ARHGAP42: variants seen among roughly 807,000 people sequenced by gnomAD.
The protein encoded by ARHGAP42 is Rho GTPase activating protein 42.
ARHGAP42 carries 63 observed loss-of-function variants against 125.0 expected under a neutral mutation model. The ratio of observed to expected loss-of-function variants is 0.50; its 90% CI spans 0.41 to 0.62. The LOEUF (loss-of-function observed/expected upper bound fraction) is 0.62. Ranked by LOEUF, ARHGAP42 falls within the 20% of genes least tolerant of loss-of-function variation. The pLI, the probability that ARHGAP42 is intolerant of heterozygous loss-of-function variation, is 0.00. For missense variants in ARHGAP42, 766 were observed against 1,024.2 expected (o/e 0.75, Z 3.44); for synonymous variants, 339 against 351.0 (o/e 0.97, Z 0.38).
At chr11:100,834,730 A>G (rs1326419982) in intron 3 of ARHGAP42, among the ~76,000 whole-genome samples, 1 of 152,076 alleles carries the variant, frequency 6.6e-6, no homozygotes, top group Non-Finnish European at 1.5e-5. Context: ...AATAGAGGCT[A>G]TAAATGCTAT....
At chr11:100,838,044 C>T (rs967753025) in intron 3 of ARHGAP42, among the ~76,000 whole-genome samples, 1 of 151,264 alleles carries the variant, frequency 6.6e-6, no homozygotes, top group Non-Finnish European at 1.5e-5. Flanking sequence ...TCGCTAACTG[C>T]CTGCCTCAGT....
intron 22 of ARHGAP42, among the ~76,000 whole-genome samples, chr11:100,980,550 T>TTTC (rs1218791556): frequency 0.12 from 9,477 of 80,880 alleles, 1,889 homozygotes; most frequent in Middle Eastern, 0.15. Flanking sequence ...CATACTTCTT[T>TTTC]TTCTTCTTCT....
intron 3 of ARHGAP42, among the ~76,000 whole-genome samples, chr11:100,837,693 T>TTTTTTTTTTTTTTTC (rs1864839633): frequency 7.3e-6 from 1 of 137,866 alleles, no homozygotes. Context: ...TTTTTTTTTT[T>TTTTTTTTTTTTTTTC]TTTTAGTAAA....
At chr11:100,816,744 C>T (rs557046587) in intron 3 of ARHGAP42, 3 of 152,078 alleles carry the variant, frequency 2.0e-5, no homozygotes, top group South Asian at 4.2e-4. Flanking sequence ...TGCTGCCAGC[C>T]CCCAAAAAGC....
intron 5 of ARHGAP42, among the ~76,000 whole-genome samples, chr11:100,921,246 T>TATATATATATA (rs1170204867): frequency 1.2e-4 from 4 of 34,602 alleles, no homozygotes; most frequent in Non-Finnish European, 2.0e-4. Context: ...TATATATATA[T>TATATATATATA]TTTTTTTTTT....
At chr11:100,730,383 T>G (rs2120302611) in intron 1 of ARHGAP42, among the ~76,000 whole-genome samples, 1 of 152,328 alleles carries the variant, frequency 6.6e-6, no homozygotes, top group Middle Eastern at 3.4e-3. Context: ...CTATTAAGCC[T>G]TATGTATGAA....
chr11:100,772,640 C>T (rs78890958), intron 2 of ARHGAP42, among the ~76,000 whole-genome samples: 60 of 152,216 alleles, frequency 3.9e-4, no homozygotes, highest in African/African-American at 1.4e-3. Context: ...CATGCACTGC[C>T]AACATTTGGA....
intron 3 of ARHGAP42, among the ~76,000 whole-genome samples, chr11:100,804,127 G>A (rs1284156781): frequency 6.6e-6 from 1 of 152,062 alleles, no homozygotes; most frequent in African/African-American, 2.4e-5. Flanking sequence ...ATGCCACCAT[G>A]GGCAGCTAAT....
intron 10 of ARHGAP42, among the ~76,000 whole-genome samples, chr11:100,947,629 A>T (rs1365850382): frequency 2.0e-5 from 3 of 151,970 alleles, no homozygotes; most frequent in Admixed American, 6.6e-5. Context: ...AAATTCTCCA[A>T]CATCAGATTA....
intron 17 of ARHGAP42, among the ~76,000 whole-genome samples, chr11:100,966,127 T>C (rs1156443238): frequency 2.6e-5 from 4 of 152,184 alleles, no homozygotes; most frequent in Non-Finnish European, 5.9e-5. Context: ...CAGTGCTCTA[T>C]ACTACTAAAG....
At chr11:100,822,969 C>T (rs879933484) in intron 3 of ARHGAP42, among the ~76,000 whole-genome samples, 1 of 152,068 alleles carries the variant, frequency 6.6e-6, no homozygotes, top group Non-Finnish European at 1.5e-5. Context: ...TTTGCTGGTA[C>T]TCTCATGTGA....
intron 1 of ARHGAP42, among the ~76,000 whole-genome samples, chr11:100,746,775 G>A (rs1287461160): frequency 6.6e-6 from 1 of 152,178 alleles, no homozygotes; most frequent in African/African-American, 2.4e-5. Flanking sequence ...CTCTAAAGTG[G>A]TGTTAGAGTT....
chr11:100,843,720 T>C (rs958313659), intron 3 of ARHGAP42, among the ~76,000 whole-genome samples: 1 of 151,330 alleles, frequency 6.6e-6, no homozygotes, highest in Middle Eastern at 3.4e-3. Context: ...GAAAAAAAAA[T>C]GCTTAGGAAT....
At chr11:100,921,778 C>A (rs1328624837) in intron 6 of ARHGAP42, among the ~76,000 whole-genome samples, 174 bp downstream of exon 6, 2 of 152,050 alleles carry the variant, frequency 1.3e-5, no homozygotes, top group Non-Finnish European at 2.9e-5. Flanking sequence ...CAGTGAAATT[C>A]TTTTGTACAA....
rs555510394 is a variant in ARHGAP42, at chr11:100,901,809, TAC to T, written c.385-11641_385-11640del. 2.4e-4 allele frequency among the ~76,000 whole-genome samples: 37 copies of T among 152,324 alleles called. 1 individual carries two copies. The South Asian group carries it at 5.2e-3, about 21-fold the overall frequency. On this transcript the variant is annotated intron_variant, in intron 4 of 23. Transcript: ENST00000298815. ...GGTGGAAGTGTCCCGTTTTTCCAGGTACAGTCTGTCACAGCTTTCCTTGGCTA... is the reference window on the plus strand; with the variant it reads ...GGTGGAAGTGTCCCGTTTTTCCAGGTAGTCTGTCACAGCTTTCCTTGGCTA...
At chr11:100,801,482 T>G (rs1407024956) in intron 3 of ARHGAP42, among the ~76,000 whole-genome samples, 1 of 152,220 alleles carries the variant, frequency 6.6e-6, no homozygotes, top group Non-Finnish European at 1.5e-5. Context: ...TTTAGGAAGA[T>G]GAATATGTCA....
At chr11:100,882,988 C>G (rs1865996973) in intron 4 of ARHGAP42, among the ~76,000 whole-genome samples, 1 of 152,128 alleles carries the variant, frequency 6.6e-6, no homozygotes, top group Non-Finnish European at 1.5e-5. Flanking sequence ...TTTGGATTTT[C>G]TCTCGTCTTA....
At chr11:100,897,737 G>T (rs1866402336) in intron 4 of ARHGAP42, among the ~76,000 whole-genome samples, 1 of 152,074 alleles carries the variant, frequency 6.6e-6, no homozygotes, top group South Asian at 2.1e-4. Context: ...AAGGAGATTT[G>T]AGGCTGAGAC....
chr11:100,864,127 A>G (rs1865512154), intron 4 of ARHGAP42, among the ~76,000 whole-genome samples: 1 of 151,722 alleles, frequency 6.6e-6, no homozygotes, highest in African/African-American at 2.4e-5. Context: ...TGCACTTTAT[A>G]TGCCTGTTGC....
Sources: gnomAD v4.1 joint callset for allele counts (sites outside exome capture counted in the v4.1 genomes callset) on GRCh38, gnomAD v4.1.1 for gene constraint, MANE v1.5 for transcripts, NCBI Gene and HGNC (gene_info 2026-07-23, HGNC 2026-07-21) for gene names.